Variants in DEPDC5 observed in about 807,000 individuals in gnomAD.
DEPDC5 encodes GATOR1 complex protein DEPDC5.
A neutral mutation model predicts 217.3 loss-of-function variants in DEPDC5; 73 were observed. The observed-to-expected ratio is 0.34, with a 90% CI of 0.28 to 0.41. DEPDC5 has a LOEUF of 0.41. Ranked by LOEUF, DEPDC5 falls within the 10% of genes least tolerant of loss-of-function variation. DEPDC5 has a pLI of 1.00. For missense variants in DEPDC5, 1,675 were observed against 2,070.1 expected, an observed-to-expected ratio of 0.81 and a Z score of 3.70; for synonymous variants, 733 against 756.7, an observed-to-expected ratio of 0.97 and a Z score of 0.51.
At chr22:31,814,138 A>AAAAC (rs922391038) in intron 20 of DEPDC5, 1 of 152,274 alleles carries the variant, frequency 6.6e-6, no homozygotes, top group African/African-American at 2.4e-5. Flanking sequence ...CCGTCTCACA[A>AAAAC]AAACAAACAA....
intron 2 of DEPDC5, 73 bp downstream of exon 2, chr22:31,755,052 C>T: frequency 6.4e-7 from 1 of 1,551,498 alleles, no homozygotes. Context: ...CTAGAAATTA[C>T]ACACTGACTC....
chr22:31,761,045 G>A (rs1032196616), intron 4 of DEPDC5, among the ~76,000 whole-genome samples: 4 of 151,238 alleles, frequency 2.6e-5, no homozygotes, highest in South Asian at 4.2e-4. Flanking sequence ...GCAGTGGCGC[G>A]ATCTCGGCTC....
intron 27 of DEPDC5, among the ~76,000 whole-genome samples, chr22:31,842,575 CAAAAAA>C (rs56671305): frequency 1.2e-4 from 9 of 73,506 alleles, no homozygotes; most frequent in East Asian, 4.3e-4. Flanking sequence ...AACTCCATCT[CAAAAAA>C]AAAAAAAAAA....
intron 27 of DEPDC5, among the ~76,000 whole-genome samples, chr22:31,839,641 C>T (rs2091271868): frequency 6.8e-6 from 1 of 147,470 alleles, no homozygotes; most frequent in African/African-American, 2.4e-5. Flanking sequence ...AGTCCAGGCC[C>T]TGTTGTTTAT....
At chr22:31,797,895 A>G (rs2086435480) in intron 13 of DEPDC5, among the ~76,000 whole-genome samples, 192 bp downstream of exon 13, 1 of 149,836 alleles carries the variant, frequency 6.7e-6, no homozygotes, top group Non-Finnish European at 1.5e-5. Context: ...TCCCTAATAC[A>G]GGGAGTGAGG....
At chr22:31,811,972 T>C (rs907088834) in intron 20 of DEPDC5, among the ~76,000 whole-genome samples, 14 of 152,158 alleles carry the variant, frequency 9.2e-5, no homozygotes, top group African/African-American at 3.4e-4. Context: ...AAATACTTTA[T>C]AGTCTTGGCG....
chr22:31,798,058 C>T (rs1411447455), intron 13 of DEPDC5, among the ~76,000 whole-genome samples: 3 of 151,776 alleles, frequency 2.0e-5, no homozygotes, highest in African/African-American at 4.8e-5. Context: ...GTAGCTAGGA[C>T]GACAGGCATG....
intron 38 of DEPDC5, chr22:31,879,997 T>G (rs1390239884): frequency 9.9e-6 from 5 of 504,446 alleles, no homozygotes; most frequent in Non-Finnish European, 1.8e-5. Context: ...GTGCCAGACC[T>G]GTTCGGATAG....
At chr22:31,789,183 G>C (rs544033330) in intron 10 of DEPDC5, among the ~76,000 whole-genome samples, 1 of 152,194 alleles carries the variant, frequency 6.6e-6, no homozygotes, top group African/African-American at 2.4e-5. Context: ...GGCCTAGCCC[G>C]TATTCTTGAC....
intron 10 of DEPDC5, among the ~76,000 whole-genome samples, chr22:31,789,548 T>G (rs2085396470): frequency 6.6e-6 from 1 of 152,248 alleles, no homozygotes; most frequent in Admixed American, 6.5e-5. Flanking sequence ...ATCCAAATAA[T>G]GGTGATAGTT....
chr22:31,857,346 A>T, intron 31 of DEPDC5, 99 bp from the exon 32 acceptor site: 1 of 973,306 alleles, frequency 1.0e-6, no homozygotes, highest in Non-Finnish European at 1.5e-6. Flanking sequence ...TGTGTGTTTC[A>T]AAGATGACAG....
chr22:31,766,977 G>A (rs2082871751), intron 6 of DEPDC5, among the ~76,000 whole-genome samples: 1 of 152,028 alleles, frequency 6.6e-6, no homozygotes, highest in African/African-American at 2.4e-5. Context: ...CTCATGGACA[G>A]GTATTTATTA....
chr22:31,889,224 G>A (rs1034176599), intron 38 of DEPDC5, among the ~76,000 whole-genome samples: 1 of 152,192 alleles, frequency 6.6e-6, no homozygotes, highest in African/African-American at 2.4e-5. Context: ...TGGAACTCAC[G>A]TAATGATTCT....
At chr22:31,883,226 A>G (rs1017445310) in intron 38 of DEPDC5, among the ~76,000 whole-genome samples, 2 of 152,184 alleles carry the variant, frequency 1.3e-5, no homozygotes, top group African/African-American at 4.8e-5. Flanking sequence ...CCTAGGGGGA[A>G]CTGAAGGATT....
chr22:31,863,397 C>T (rs1018353276), intron 33 of DEPDC5, among the ~76,000 whole-genome samples: 2 of 152,284 alleles, frequency 1.3e-5, no homozygotes, highest in East Asian at 3.9e-4. Flanking sequence ...GAACTCCTGA[C>T]CTCAGGTGAT....
intron 38 of DEPDC5, among the ~76,000 whole-genome samples, chr22:31,883,458 T>C (rs1225547666): frequency 6.6e-6 from 1 of 152,226 alleles, no homozygotes; most frequent in East Asian, 1.9e-4. Context: ...TTTCTTTCAC[T>C]GGTGCCAGTG....
Position 31,773,945 on chromosome 22 carries a change from C to A in DEPDC5, c.414-4154C>A, listed in dbSNP as rs753784371. On this transcript the variant is annotated intron_variant, in intron 7 of 42. Transcript: ENST00000651528. ...AATTAGCTGAGCATGATGGCAGGCT[C>A]CTGTAATCCCAGCTACTCGGGAGGC... 9.7e-4 allele frequency among the ~76,000 whole-genome samples: 148 copies of A among 152,126 alleles called. 1 individual carries two copies. Among genetic ancestry groups the A allele is most frequent in the Middle Eastern group, 3.4e-3 (1 of 294 alleles).
At chr22:31,893,849 A>G in intron 39 of DEPDC5, 98 bp downstream of exon 39, 2 of 1,312,752 alleles carry the variant, frequency 1.5e-6, no homozygotes, top group Middle Eastern at 2.8e-4. Flanking sequence ...TTTTTAGTTC[A>G]GGCTCTTATT....
intron 10 of DEPDC5, among the ~76,000 whole-genome samples, chr22:31,786,307 G>T (rs894849474): frequency 6.6e-5 from 10 of 151,180 alleles, no homozygotes; most frequent in Non-Finnish European, 1.0e-4. Context: ...AGGTGTGGTG[G>T]CTCATGGGAG....
Sources: gnomAD v4.1 joint callset for allele counts (sites outside exome capture counted in the v4.1 genomes callset) on GRCh38, gnomAD v4.1.1 for gene constraint, MANE v1.5 for transcripts, NCBI Gene and HGNC (gene_info 2026-07-23, HGNC 2026-07-21) for gene names.